CCSER1: variants seen among roughly 807,000 people sequenced by gnomAD.
CCSER1 encodes coiled-coil serine rich protein 1, also known as serine-rich coiled-coil domain-containing protein 1.
In CCSER1, 41 loss-of-function variants were observed where a neutral mutation model predicts 82.0. The ratio of observed to expected loss-of-function variants is 0.50; its 90% confidence interval spans 0.39 to 0.65. The LOEUF (loss-of-function observed/expected upper bound fraction) is 0.65. CCSER1 is among the 30% of genes least tolerant of loss of function. CCSER1 has a pLI of 0.00. For missense variants in CCSER1, 1,119 were observed against 1,064.2 expected, an observed-to-expected ratio of 1.05 and a Z score of -0.72; for synonymous variants, 414 against 383.9, an observed-to-expected ratio of 1.08 and a Z score of -0.92.
chr4:91,411,733 T>C (rs1336121472), intron 10 of CCSER1, among the ~76,000 whole-genome samples: 1 of 89,322 alleles, frequency 1.1e-5, no homozygotes, highest in Non-Finnish European at 2.1e-5. Context: ...ACTACTGATA[T>C]TGGAGCTAGT....
At chr4:90,488,622 G>A (rs922029050) in intron 5 of CCSER1, among the ~76,000 whole-genome samples, 1 of 152,088 alleles carries the variant, frequency 6.6e-6, no homozygotes, top group African/African-American at 2.4e-5. Context: ...AATGAGAAAA[G>A]GTTTAAATGG....
intron 8 of CCSER1, among the ~76,000 whole-genome samples, chr4:90,912,425 G>A (rs539877973): frequency 1.3e-5 from 2 of 152,256 alleles, no homozygotes; most frequent in Middle Eastern, 3.4e-3. Flanking sequence ...GCAGCTGAGG[G>A]TGCTGACTGT....
chr4:91,565,345 C>G (rs1347120995), intron 10 of CCSER1, among the ~76,000 whole-genome samples: 1 of 151,930 alleles, frequency 6.6e-6, no homozygotes, highest in Non-Finnish European at 1.5e-5. Context: ...TTGCCTCCAG[C>G]TTTGTTCTTT....
chr4:91,153,354 G>A (rs1730454329), intron 10 of CCSER1, among the ~76,000 whole-genome samples: 1 of 151,856 alleles, frequency 6.6e-6, no homozygotes, highest in South Asian at 2.1e-4. Flanking sequence ...ATGGTTTTCA[G>A]CTCCATCAGG....
chr4:91,595,127 T>C (rs528966047), intron 10 of CCSER1, among the ~76,000 whole-genome samples: 108 of 151,918 alleles, frequency 7.1e-4, no homozygotes, highest in African/African-American at 2.4e-3. Context: ...GTCCAATAAC[T>C]GGATGATGGG....
chr4:90,994,151 A>T (rs1053151978), intron 9 of CCSER1, among the ~76,000 whole-genome samples: 4 of 151,936 alleles, frequency 2.6e-5, no homozygotes, highest in African/African-American at 9.7e-5. Flanking sequence ...GTGCATTATC[A>T]TCACATGAAT....
chr4:90,329,118 C>T (rs186108355), intron 3 of CCSER1, among the ~76,000 whole-genome samples: 1 of 152,044 alleles, frequency 6.6e-6, no homozygotes, highest in Admixed American at 6.6e-5. Context: ...ATCAAAGGTA[C>T]ACTTTCTTCT....
intron 6 of CCSER1, among the ~76,000 whole-genome samples, chr4:90,651,563 A>G (rs967559892): frequency 6.6e-6 from 1 of 152,184 alleles, no homozygotes; most frequent in Non-Finnish European, 1.5e-5. Flanking sequence ...GGGGAGGGAT[A>G]GCATTAGGAG....
At chr4:90,866,276 CTTTGAGGAAATA>C in intron 8 of CCSER1, among the ~76,000 whole-genome samples, 1 of 152,016 alleles carries the variant, frequency 6.6e-6, no homozygotes, top group Admixed American at 6.6e-5. Flanking sequence ...TACTAATTTG[CTTTGAGGAAATA>C]TTTGAGCATG....
At chr4:90,507,621 C>G (rs911847796) in intron 5 of CCSER1, among the ~76,000 whole-genome samples, 1 of 151,892 alleles carries the variant, frequency 6.6e-6, no homozygotes, top group Non-Finnish European at 1.5e-5. Flanking sequence ...AGCTATACAG[C>G]AGTTATTCAG....
intron 10 of CCSER1, among the ~76,000 whole-genome samples, chr4:91,201,465 G>A (rs146531675): frequency 2.0e-5 from 3 of 152,074 alleles, no homozygotes; most frequent in African/African-American, 7.2e-5. Context: ...TATTTCAGAT[G>A]TAAATGAAGG....
At chr4:90,391,443 GGT>G (rs1751035016) in intron 3 of CCSER1, among the ~76,000 whole-genome samples, 5 of 36,940 alleles carry the variant, frequency 1.4e-4, no homozygotes, top group African/African-American at 3.3e-4. Context: ...AATATATGGG[GGT>G]ATATATATAT....
At chr4:91,378,435 G>C (rs1383206688) in intron 10 of CCSER1, among the ~76,000 whole-genome samples, 1 of 152,158 alleles carries the variant, frequency 6.6e-6, no homozygotes, top group Non-Finnish European at 1.5e-5. Flanking sequence ...TTGAGCAGTG[G>C]TTTGTAGTTC....
At chr4:90,450,071 C>A (rs767453046) in intron 4 of CCSER1, among the ~76,000 whole-genome samples, 5 of 152,162 alleles carry the variant, frequency 3.3e-5, no homozygotes, top group African/African-American at 9.7e-5. Context: ...AGGGATGATG[C>A]TGCTCTTCAC....
chr4:90,688,132 T>C (rs576706228), intron 6 of CCSER1, among the ~76,000 whole-genome samples: 15 of 152,304 alleles, frequency 9.8e-5, no homozygotes, highest in African/African-American at 3.6e-4. Context: ...TGTTTTCAAC[T>C]CTGGAGTCTA....
At position 91,600,128 on chromosome 4, in the gene CCSER1, T is replaced by C. The variant is rs1490723446; in HGVS notation, c.*1071T>C. The C allele has an allele frequency of 6.6e-6, 1 of 152,094 alleles. No individual in the cohort carries two copies. Among genetic ancestry groups the C allele is most frequent in the Non-Finnish European group, 1.5e-5 (1 of 68,012 alleles). 9.4% of individuals were successfully genotyped at this position (152,094 alleles called of 1,614,324 possible). ...AACAAAAGTAAAGTAAATGTGAACA[T>C]TGGCAATTTAATCTTAGAAATAAGC... On this transcript the variant is annotated 3_prime_UTR_variant, in exon 11 of 11. Transcript: ENST00000509176.
At chr4:90,572,936 G>GT (rs1343111937) in intron 5 of CCSER1, among the ~76,000 whole-genome samples, 12 of 152,214 alleles carry the variant, frequency 7.9e-5, no homozygotes. Flanking sequence ...ATTTGAAGAA[G>GT]TAAGACCTAT....
intron 3 of CCSER1, among the ~76,000 whole-genome samples, chr4:90,388,548 G>C (rs1030726934): frequency 6.6e-6 from 1 of 152,172 alleles, no homozygotes; most frequent in Admixed American, 6.5e-5. Flanking sequence ...GACCTCAGGA[G>C]ATCCGCTTGC....
intron 10 of CCSER1, among the ~76,000 whole-genome samples, chr4:91,258,732 A>C (rs915801343): frequency 4.6e-5 from 7 of 152,138 alleles, no homozygotes; most frequent in African/African-American, 7.2e-5. Flanking sequence ...TAATATGCAA[A>C]AATAAATCCA....
Sources: gnomAD v4.1 joint callset for allele counts (sites outside exome capture counted in the v4.1 genomes callset) on GRCh38, gnomAD v4.1.1 for gene constraint, MANE v1.5 for transcripts, NCBI Gene and HGNC (gene_info 2026-07-23, HGNC 2026-07-21) for gene names.